Variants in PTPRD observed in about 807,000 individuals in gnomAD.
The protein encoded by PTPRD is protein tyrosine phosphatase receptor type D, also known as receptor-type tyrosine-protein phosphatase delta.
PTPRD carries 34 observed loss-of-function variants against 214.5 expected under a neutral mutation model. The observed-to-expected ratio is 0.16, with a 90% CI of 0.12 to 0.21. The LOEUF (loss-of-function observed/expected upper bound fraction) is 0.21, where lower values mean the gene tolerates loss of function less well. PTPRD is among the 10% of genes least tolerant of loss of function. The pLI, the probability that PTPRD is intolerant of heterozygous loss-of-function variation, is 1.00. For synonymous variants in PTPRD, 1,128 were observed against 845.7 expected, an observed-to-expected ratio of 1.33 and a Z score of -5.79; for missense variants, 2,545 against 2,398.7, an observed-to-expected ratio of 1.06 and a Z score of -1.27.
intron 8 of PTPRD, among the ~76,000 whole-genome samples, chr9:9,510,702 C>A (rs1325735897): frequency 5.3e-5 from 8 of 151,104 alleles, no homozygotes; most frequent in African/African-American, 1.9e-4. Flanking sequence ...TGGCTCTGCC[C>A]ACCTATTTGG....
intron 23 of PTPRD, among the ~76,000 whole-genome samples, chr9:8,503,915 T>C (rs571149018): frequency 5.6e-4 from 86 of 152,332 alleles, no homozygotes; most frequent in African/African-American, 1.9e-3. Context: ...AGCCCTCCTA[T>C]GATTATTTTA....
At chr9:8,550,921 G>A (rs1170586752) in intron 14 of PTPRD, among the ~76,000 whole-genome samples, 5 of 152,282 alleles carry the variant, frequency 3.3e-5, no homozygotes, top group South Asian at 4.1e-4. Context: ...GCCTGTCTTC[G>A]ACAGTGAGCT....
At chr9:9,523,623 G>C (rs1400541427) in intron 8 of PTPRD, among the ~76,000 whole-genome samples, 2 of 152,004 alleles carry the variant, frequency 1.3e-5, no homozygotes, top group African/African-American at 4.8e-5. Flanking sequence ...TAAAGTCCTT[G>C]ACTTTCCAAA....
intron 9 of PTPRD, among the ~76,000 whole-genome samples, chr9:9,292,663 C>T (rs1231872923): frequency 2.0e-5 from 3 of 151,322 alleles, no homozygotes; most frequent in African/African-American, 7.3e-5. Flanking sequence ...TACCTAATGT[C>T]CTTTTTCTGT....
chr9:8,759,254 G>A (rs1334973771), intron 11 of PTPRD, among the ~76,000 whole-genome samples: 1 of 152,082 alleles, frequency 6.6e-6, no homozygotes, highest in Non-Finnish European at 1.5e-5. Flanking sequence ...GTTCTACTAT[G>A]TTGATCAGGC....
intron 7 of PTPRD, among the ~76,000 whole-genome samples, chr9:9,607,674 T>G (rs2094252928): frequency 2.0e-5 from 3 of 151,926 alleles, no homozygotes; most frequent in Admixed American, 1.3e-4. Context: ...TTCCTGACAT[T>G]GTGCTTTCAA....
At chr9:10,425,017 A>G (rs887961901) in intron 2 of PTPRD, among the ~76,000 whole-genome samples, 2 of 152,034 alleles carry the variant, frequency 1.3e-5, no homozygotes, top group African/African-American at 4.8e-5. Flanking sequence ...CTTTAGCTTA[A>G]TGAAAATAGA....
At chr9:10,475,260 G>T (rs964905357) in intron 2 of PTPRD, among the ~76,000 whole-genome samples, 2 of 151,878 alleles carry the variant, frequency 1.3e-5, no homozygotes. Context: ...AAGAAGAAAA[G>T]GGAGAAGAAT....
chr9:10,296,886 G>C (rs1418227083), intron 3 of PTPRD, among the ~76,000 whole-genome samples: 1 of 151,698 alleles, frequency 6.6e-6, no homozygotes, highest in South Asian at 2.1e-4. Context: ...ACCACTTCAG[G>C]TTCTCCTGAA....
intron 2 of PTPRD, among the ~76,000 whole-genome samples, chr9:10,557,377 TTC>T (rs1257990002): frequency 2.0e-5 from 3 of 152,144 alleles, no homozygotes; most frequent in African/African-American, 7.2e-5. Flanking sequence ...GCAGCATTCT[TTC>T]TCTCTTTCTC....
At position 8,696,704 on chromosome 9, in the gene PTPRD, G is replaced by A. The variant is rs577196749; in HGVS notation, c.64+37076C>T. Among the ~76,000 whole-genome samples the A allele has an allele frequency of 1.1e-4, 16 of 152,300 alleles. No individual in the cohort carries two copies. The South Asian group carries it at 1.2e-3, about 12-fold the overall frequency. On this transcript the variant is annotated intron_variant, in intron 12 of 45. Coordinates refer to ENST00000381196, the MANE Select transcript of PTPRD (RefSeq NM_002839.4). ...TAACAGGGTCTGACATAAGATGACGGCAGAGAGGAATGCAGAAGCTAGGTC... is the reference window on the plus strand; with the variant it reads ...TAACAGGGTCTGACATAAGATGACGACAGAGAGGAATGCAGAAGCTAGGTC...
intron 33 of PTPRD, among the ~76,000 whole-genome samples, chr9:8,451,155 T>C (rs778368312): frequency 6.6e-6 from 1 of 152,216 alleles, no homozygotes; most frequent in East Asian, 1.9e-4. Context: ...AGAAGATTGA[T>C]ACAAAGGGGA....
chr9:9,492,362 T>A (rs1169474826), intron 8 of PTPRD, among the ~76,000 whole-genome samples: 1 of 150,722 alleles, frequency 6.6e-6, no homozygotes, highest in Non-Finnish European at 1.5e-5. Flanking sequence ...ATTCTCCAAC[T>A]TTTCCCTAAA....
Position 9,826,319 on chromosome 9 carries a change from A to G in PTPRD, c.-367-59468T>C, listed in dbSNP as rs1347348733. ...CTATATTTCTTTCCTGAGCTCCATC[A>G]GCTCCTTTCTGAGATTTTCTAATAC... is the stretch of plus-strand genomic sequence containing the variant. On this transcript the variant is annotated intron_variant, in intron 5 of 45. Coordinates refer to ENST00000381196, the MANE Select transcript of PTPRD (RefSeq NM_002839.4). Among the ~76,000 whole-genome samples, 7 of 151,724 alleles carry G rather than the reference A, an allele frequency of 4.6e-5. No individual in the cohort carries two copies. In the Admixed American group the frequency reaches 4.6e-4, roughly 10 times the overall value.
intron 5 of PTPRD, among the ~76,000 whole-genome samples, chr9:9,884,393 G>T (rs931724037): frequency 2.6e-5 from 4 of 152,110 alleles, no homozygotes; most frequent in Non-Finnish European, 5.9e-5. Flanking sequence ...AAGTCAGGAA[G>T]ATACCTCTTC....
intron 9 of PTPRD, among the ~76,000 whole-genome samples, chr9:9,392,750 C>T (rs1178489746): frequency 1.3e-5 from 2 of 152,138 alleles, no homozygotes; most frequent in Admixed American, 1.3e-4. Flanking sequence ...TTGGAATAAG[C>T]CCAGGTCAAA....
intron 14 of PTPRD, among the ~76,000 whole-genome samples, chr9:8,601,219 C>A (rs1049527944): frequency 2.6e-5 from 4 of 152,178 alleles, no homozygotes; most frequent in Non-Finnish European, 5.9e-5. Context: ...GCCAGCCCAG[C>A]CACAGCAGAC....
At chr9:9,943,503 A>C (rs1172836885) in intron 4 of PTPRD, among the ~76,000 whole-genome samples, 1 of 152,202 alleles carries the variant, frequency 6.6e-6, no homozygotes, top group African/African-American at 2.4e-5. Flanking sequence ...CAAATCAACA[A>C]AAATTACTGT....
chr9:8,914,008 G>A (rs991220767), intron 11 of PTPRD, among the ~76,000 whole-genome samples: 12 of 152,036 alleles, frequency 7.9e-5, no homozygotes, highest in Admixed American at 3.9e-4. Flanking sequence ...CTCAGAGAAC[G>A]GTCAGTTTGG....
Sources: gnomAD v4.1 joint callset for allele counts (sites outside exome capture counted in the v4.1 genomes callset) on GRCh38, gnomAD v4.1.1 for gene constraint, MANE v1.5 for transcripts, NCBI Gene and HGNC (gene_info 2026-07-23, HGNC 2026-07-21) for gene names.